The following MBOAT2 variants were observed in gnomAD, a reference collection of about 807,000 sequenced individuals.
The protein encoded by MBOAT2 is membrane-bound glycerophospholipid O-acyltransferase 2.
A neutral mutation model predicts 63.4 loss-of-function variants in MBOAT2; 28 were observed. That is an observed-to-expected ratio of 0.44 (90% confidence interval 0.33 to 0.61). MBOAT2 has a LOEUF of 0.61. Among genes scored for constraint, MBOAT2 ranks in the 20% least tolerant of loss-of-function variants. MBOAT2 has a pLI of 0.03. For missense variants in MBOAT2, 470 were observed against 605.8 expected, an observed-to-expected ratio of 0.78 and a Z score of 2.35; for synonymous variants, 211 against 215.6, an observed-to-expected ratio of 0.98 and a Z score of 0.19.
chr2:8,875,155 T>G (rs1035486404), intron 7 of MBOAT2, among the ~76,000 whole-genome samples: 1 of 152,204 alleles, frequency 6.6e-6, no homozygotes, highest in Non-Finnish European at 1.5e-5. Context: ...AGCATCCTCC[T>G]TAGGATCCTG....
chr2:8,853,705 G>A lies in MBOAT2; in HGVS notation c.*4974C>T, dbSNP rs780580707. On this transcript the variant is annotated 3_prime_UTR_variant, in exon 13 of 13. Transcript: ENST00000305997. Reference sequence around the variant, plus strand: ...AATCGCTGAGTAAGCTTCAGACAGCGGTTCTGCATGGGTCATCACACTATA... The same window carrying A: ...AATCGCTGAGTAAGCTTCAGACAGCAGTTCTGCATGGGTCATCACACTATA... 4 of 152,136 alleles carry A rather than the reference G, an allele frequency of 2.6e-5. No individual in the cohort carries two copies. Among genetic ancestry groups the A allele is most frequent in the South Asian group, 2.1e-4 (1 of 4,824 alleles). 9.4% of individuals were successfully genotyped at this position (152,136 alleles called of 1,614,324 possible).
intron 1 of MBOAT2, among the ~76,000 whole-genome samples, chr2:8,973,961 A>G (rs1670643133): frequency 6.6e-6 from 1 of 152,184 alleles, no homozygotes; most frequent in South Asian, 2.1e-4. Context: ...CACAGTGATA[A>G]TATCAAAATT....
intron 4 of MBOAT2, among the ~76,000 whole-genome samples, chr2:8,903,900 T>A (rs1322143932): frequency 2.6e-5 from 4 of 152,230 alleles, no homozygotes; most frequent in Non-Finnish European, 5.9e-5. Flanking sequence ...TTTATCTAAT[T>A]TCCCTCAAGA....
chr2:8,872,871 CA>C (rs1242013569), intron 8 of MBOAT2, among the ~76,000 whole-genome samples: 24 of 152,296 alleles, frequency 1.6e-4, no homozygotes, highest in African/African-American at 5.3e-4. Flanking sequence ...ATGCATTCAA[CA>C]AATATCTGTT....
intron 1 of MBOAT2, among the ~76,000 whole-genome samples, chr2:8,993,566 G>C (rs1308893556): frequency 1.3e-5 from 2 of 152,120 alleles, no homozygotes; most frequent in African/African-American, 4.8e-5. Context: ...ATGAAAGACA[G>C]GAAAAGTGCA....
At chr2:9,001,307 T>C (rs1374142308) in intron 1 of MBOAT2, among the ~76,000 whole-genome samples, 2 of 152,178 alleles carry the variant, frequency 1.3e-5, no homozygotes, top group African/African-American at 2.4e-5. Flanking sequence ...TACCTAATTG[T>C]GTAGTATACA....
At chr2:8,873,033 C>T in intron 8 of MBOAT2, 75 bp downstream of exon 8, 1 of 1,373,070 alleles carries the variant, frequency 7.3e-7, no homozygotes, top group Non-Finnish European at 1.0e-6. Context: ...CAAGAGGGCG[C>T]ACTGATAGCA....
chr2:8,996,795 C>T (rs1171027777), intron 1 of MBOAT2, among the ~76,000 whole-genome samples: 2 of 152,202 alleles, frequency 1.3e-5, no homozygotes, highest in East Asian at 1.9e-4. Context: ...TACCTGGTTG[C>T]CTTAGTTACC....
intron 9 of MBOAT2, among the ~76,000 whole-genome samples, chr2:8,867,578 C>A (rs116769926): frequency 0.013 from 1,988 of 152,250 alleles, 21 homozygotes; most frequent in Middle Eastern, 0.034. Context: ...ATTCTCTGTT[C>A]CTTATCTAAG....
intron 1 of MBOAT2, among the ~76,000 whole-genome samples, chr2:8,965,747 G>T (rs1669933742): frequency 6.6e-6 from 1 of 152,072 alleles, no homozygotes; most frequent in Non-Finnish European, 1.5e-5. Flanking sequence ...CTTCTGAAAA[G>T]ATCTGCACTG....
chr2:8,855,338 A>G lies in MBOAT2; in HGVS notation c.*3341T>C, dbSNP rs944109514. On this transcript the variant is annotated 3_prime_UTR_variant, in exon 13 of 13. Coordinates refer to ENST00000305997, the MANE Select transcript of MBOAT2 (RefSeq NM_138799.4). ...GGTCTACAGGACAGGTGGCTCCTCCAAGTCTTAAGTCTCATGAAAGGCAGA... is the reference window on the plus strand; with the variant it reads ...GGTCTACAGGACAGGTGGCTCCTCCGAGTCTTAAGTCTCATGAAAGGCAGA... The G allele has an allele frequency of 1.3e-5, 2 of 152,218 alleles. No individual in the cohort carries two copies. Among genetic ancestry groups the G allele is most frequent in the Admixed American group, 6.5e-5 (1 of 15,276 alleles). The allele number at this position is 152,218 out of a possible 1,614,324, so 9.4% of individuals were successfully genotyped here. A position where few individuals can be genotyped will look rare whatever the true frequency, so the allele number is the denominator to read the frequency against.
At chr2:8,900,486 CAG>C (rs972973623) in intron 4 of MBOAT2, among the ~76,000 whole-genome samples, 8 of 152,150 alleles carry the variant, frequency 5.3e-5, no homozygotes, top group Admixed American at 3.9e-4. Context: ...TGCTTTAAAT[CAG>C]AGAGGGAGAA....
intron 8 of MBOAT2, among the ~76,000 whole-genome samples, chr2:8,869,156 C>T (rs1017698311): frequency 6.6e-6 from 1 of 151,958 alleles, no homozygotes; most frequent in Non-Finnish European, 1.5e-5. Context: ...AAGCAATCCT[C>T]CTGTCTCAGC....
intron 5 of MBOAT2, among the ~76,000 whole-genome samples, chr2:8,882,774 C>T (rs1425247936): frequency 6.6e-6 from 1 of 152,144 alleles, no homozygotes; most frequent in South Asian, 2.1e-4. Flanking sequence ...GGGTATCTGA[C>T]TCCACTCTAA....
At chr2:8,972,065 T>C (rs1298584846) in intron 1 of MBOAT2, among the ~76,000 whole-genome samples, 1 of 152,032 alleles carries the variant, frequency 6.6e-6, no homozygotes, top group Non-Finnish European at 1.5e-5. Context: ...GCCAAGACAA[T>C]CCTAAGCCAA....
At chr2:8,926,744 A>C (rs953505068) in intron 3 of MBOAT2, among the ~76,000 whole-genome samples, 1 of 152,204 alleles carries the variant, frequency 6.6e-6, no homozygotes, top group Non-Finnish European at 1.5e-5. Context: ...CTGGGCAGCA[A>C]AGCACAGCAC....
chr2:8,968,699 T>C (rs1375468118), intron 1 of MBOAT2, among the ~76,000 whole-genome samples: 1 of 152,154 alleles, frequency 6.6e-6, no homozygotes, highest in Non-Finnish European at 1.5e-5. Flanking sequence ...CTGATGTAGC[T>C]GAAAACCATG....
At position 9,003,410 on chromosome 2, in the gene MBOAT2, G is replaced by A. The variant is rs1672853488; in HGVS notation, c.75+130C>T. The A allele has an allele frequency of 2.6e-6, 1 of 389,304 alleles. No homozygotes were observed. Among genetic ancestry groups the A allele is most frequent in the Non-Finnish European group, 4.0e-6 (1 of 252,110 alleles). 24.1% of individuals were successfully genotyped at this position (389,304 alleles called of 1,614,324 possible). Reference sequence around the variant, plus strand: ...CTTGTTGCCCCCTCCCTTCCAGGGAGCGGCGGGTAGGGGGGCACCGGGCGC... The same window carrying A: ...CTTGTTGCCCCCTCCCTTCCAGGGAACGGCGGGTAGGGGGGCACCGGGCGC... On this transcript the variant is annotated intron_variant, in intron 1 of 12. Transcript: ENST00000305997. This position sits in a 1 kb window ranked among gnomAD's most constrained non-coding sequence, Gnocchi z 5.4.
intron 12 of MBOAT2, among the ~76,000 whole-genome samples, chr2:8,860,386 G>A (rs2148505316): frequency 6.6e-6 from 1 of 152,168 alleles, no homozygotes; most frequent in Middle Eastern, 3.4e-3. Flanking sequence ...TGGTTACCTG[G>A]CTGATATTTC....
Sources: allele counts gnomAD v4.1 joint callset (sites outside exome capture counted in the v4.1 genomes callset), GRCh38; gene constraint gnomAD v4.1.1; non-coding constraint Gnocchi (gnomAD v3.1); transcripts MANE v1.5; gene names NCBI Gene and HGNC (gene_info 2026-07-23, HGNC 2026-07-21).